NCALD: variants seen among roughly 807,000 people sequenced by gnomAD.
NCALD encodes the protein neurocalcin-delta.
Under a neutral mutation model 18.6 loss-of-function variants are expected in NCALD, and 10 were observed. The ratio of observed to expected loss-of-function variants is 0.54; its 90% CI spans 0.33 to 0.91. The LOEUF is 0.91. Among genes scored for constraint, NCALD ranks in the 40% least tolerant of loss-of-function variants. The probability of loss-of-function intolerance (pLI) is 0.03; values close to 1 mark genes in which losing one functional copy is unlikely to be tolerated. For missense variants in NCALD, 184 were observed against 247.6 expected (o/e 0.74, Z 1.72); for synonymous variants, 88 against 87.4 (o/e 1.01, Z -0.04).
chr8:101,832,706 A>C (rs1334463760), intron 4 of NCALD, among the ~76,000 whole-genome samples: 2 of 152,234 alleles, frequency 1.3e-5, no homozygotes, highest in African/African-American at 4.8e-5. Flanking sequence ...GAGATTAATG[A>C]AAATATTTCC....
chr8:102,024,497 T>C (rs181453176), intron 1 of NCALD, among the ~76,000 whole-genome samples: 2 of 152,300 alleles, frequency 1.3e-5, no homozygotes, highest in Admixed American at 1.3e-4. Context: ...CAAGGGCACT[T>C]ATCAGGGGCA....
intron 1 of NCALD, among the ~76,000 whole-genome samples, chr8:101,780,603 G>A (rs911938438): frequency 1.3e-5 from 2 of 152,084 alleles, no homozygotes; most frequent in Non-Finnish European, 2.9e-5. Flanking sequence ...TGGGGTTGGA[G>A]TTTCAGCTTG....
chr8:101,744,730 C>G (rs1186151233), intron 1 of NCALD, among the ~76,000 whole-genome samples: 4 of 152,094 alleles, frequency 2.6e-5, no homozygotes, highest in African/African-American at 9.7e-5. Context: ...GCTGTTACAG[C>G]AGTGCTGCTT....
intron 4 of NCALD, among the ~76,000 whole-genome samples, chr8:101,864,938 C>T (rs1049995563): frequency 2.0e-5 from 3 of 152,130 alleles, no homozygotes; most frequent in Non-Finnish European, 2.9e-5. Flanking sequence ...TACTTGTAAT[C>T]TTTATCTGTC....
chr8:101,971,184 C>T (rs1235550618), intron 2 of NCALD, among the ~76,000 whole-genome samples: 2 of 152,108 alleles, frequency 1.3e-5, no homozygotes, highest in African/African-American at 2.4e-5. Context: ...GCCTCAGATA[C>T]TCTGTTACAG....
chr8:102,036,732 G>A (rs957031441), intron 1 of NCALD, among the ~76,000 whole-genome samples: 1 of 151,028 alleles, frequency 6.6e-6, no homozygotes, highest in East Asian at 2.0e-4. Context: ...CTGAGATCAT[G>A]CCACTGCACT....
chr8:101,891,077 A>G (rs1816856294), intron 3 of NCALD, among the ~76,000 whole-genome samples: 1 of 152,230 alleles, frequency 6.6e-6, no homozygotes, highest in Admixed American at 6.5e-5. Flanking sequence ...TTTTTCACAT[A>G]TAAATAAGCC....
chr8:102,064,048 G>A (rs17415172), intron 1 of NCALD, among the ~76,000 whole-genome samples: 69,406 of 151,974 alleles, frequency 0.46, 20,140 homozygotes, highest in African/African-American at 0.82. Flanking sequence ...GCCAGAGTTG[G>A]TTTCTGTGCC....
At chr8:101,951,200 G>A (rs1014027878) in intron 2 of NCALD, among the ~76,000 whole-genome samples, 1 of 152,154 alleles carries the variant, frequency 6.6e-6, no homozygotes, top group Non-Finnish European at 1.5e-5. Flanking sequence ...TAGAAAAAAC[G>A]ATGAGGACAG....
intron 1 of NCALD, among the ~76,000 whole-genome samples, chr8:102,051,537 C>CTTG: frequency 6.6e-6 from 1 of 152,274 alleles, no homozygotes; most frequent in South Asian, 2.1e-4. Flanking sequence ...AAATATAAAA[C>CTTG]TGCCTTTTCT....
At chr8:101,731,924 T>G (rs1350008297) in intron 1 of NCALD, among the ~76,000 whole-genome samples, 1 of 152,172 alleles carries the variant, frequency 6.6e-6, no homozygotes, top group Non-Finnish European at 1.5e-5. Flanking sequence ...ACAAAGAAAC[T>G]GTGGGAGTGT....
intron 2 of NCALD, among the ~76,000 whole-genome samples, chr8:102,013,229 C>G (rs1821967032): frequency 6.6e-6 from 1 of 152,162 alleles, no homozygotes; most frequent in Non-Finnish European, 1.5e-5. Context: ...GGTACCTCCC[C>G]TTTTCTCTAT....
intron 2 of NCALD, among the ~76,000 whole-genome samples, chr8:102,000,248 G>T (rs1157385888): frequency 6.6e-6 from 1 of 152,184 alleles, no homozygotes; most frequent in Admixed American, 6.5e-5. Context: ...GGCTCAGAGG[G>T]TCCTACACCC....
In NCALD at chr8:101,763,974, A is replaced by T. The variant is rs867839683; in HGVS notation, c.-20+26888T>A. On this transcript the variant is annotated intron_variant, in intron 1 of 3. Coordinates refer to ENST00000220931, the MANE Select transcript of NCALD (RefSeq NM_032041.3). ...AATTTCTCTCTCTCTCTCCACACAC[A>T]CACACACACACACACACACACACAC... Among the ~76,000 whole-genome samples the T allele has an allele frequency of 7.8e-3, 188 of 23,966 alleles. 4 individuals carry two copies. The South Asian group carries it at 0.13, about 17-fold the overall frequency. The allele number at this position is 23,966 out of a possible 152,430, so 15.7% of individuals were successfully genotyped here.
chr8:101,929,126 T>C (rs533173703), intron 2 of NCALD, among the ~76,000 whole-genome samples: 1 of 151,202 alleles, frequency 6.6e-6, no homozygotes, highest in Non-Finnish European at 1.5e-5. Context: ...ATCCATCATA[T>C]ACATAAAATG....
At chr8:101,711,619 A>G (rs1176403027) in intron 2 of NCALD, among the ~76,000 whole-genome samples, 1 of 151,918 alleles carries the variant, frequency 6.6e-6, no homozygotes, top group Non-Finnish European at 1.5e-5. Flanking sequence ...AACTTTGTGA[A>G]GCATACACAA....
chr8:101,918,781 T>A (rs912482524), intron 2 of NCALD, among the ~76,000 whole-genome samples: 2 of 139,876 alleles, frequency 1.4e-5, no homozygotes, highest in African/African-American at 5.3e-5. Flanking sequence ...CACAGATACC[T>A]AGGAAAACAT....
intron 1 of NCALD, among the ~76,000 whole-genome samples, chr8:101,737,374 A>G (rs974989591): frequency 3.9e-5 from 6 of 152,162 alleles, no homozygotes; most frequent in African/African-American, 1.4e-4. Context: ...TCCCATCTGA[A>G]CTCAAAAATA....
intron 4 of NCALD, among the ~76,000 whole-genome samples, chr8:101,804,476 A>G (rs1315688387): frequency 1.7e-5 from 2 of 118,312 alleles, no homozygotes; most frequent in Non-Finnish European, 3.1e-5. Flanking sequence ...AACAAAGATT[A>G]TTATATAATA....
Sources: allele counts gnomAD v4.1 joint callset (sites outside exome capture counted in the v4.1 genomes callset), GRCh38; gene constraint gnomAD v4.1.1; transcripts MANE v1.5; gene names NCBI Gene and HGNC (gene_info 2026-07-23, HGNC 2026-07-21).